KIF6: variants seen among roughly 807,000 people sequenced by gnomAD.
KIF6 encodes kinesin-like protein KIF6.
Under a neutral mutation model 112.7 loss-of-function variants are expected in KIF6, and 106 were observed. That is an observed-to-expected ratio of 0.94 (90% CI 0.80 to 1.11). The LOEUF (loss-of-function observed/expected upper bound fraction) is 1.11. Among genes scored for constraint, KIF6 ranks in the 50% least tolerant of loss-of-function variants. The pLI, the probability that KIF6 is intolerant of heterozygous loss-of-function variation, is 0.00. For missense variants in KIF6, 929 were observed against 964.0 expected, an observed-to-expected ratio of 0.96 and a Z score of 0.48; for synonymous variants, 339 against 339.9, an observed-to-expected ratio of 1.00 and a Z score of 0.03.
At chr6:39,359,797 C>T (rs1764991295) in intron 18 of KIF6, among the ~76,000 whole-genome samples, 1 of 152,104 alleles carries the variant, frequency 6.6e-6, no homozygotes, top group African/African-American at 2.4e-5. Context: ...CAGGGTCTTG[C>T]CATGTTAACC....
At chr6:39,382,843 T>A (rs565125110) in intron 16 of KIF6, among the ~76,000 whole-genome samples, 1 of 152,132 alleles carries the variant, frequency 6.6e-6, no homozygotes, top group East Asian at 1.9e-4. Context: ...ATTTTTTGAC[T>A]TTTTAGCAAT....
At chr6:39,412,431 T>C (rs996864942) in intron 15 of KIF6, among the ~76,000 whole-genome samples, 3 of 152,252 alleles carry the variant, frequency 2.0e-5, no homozygotes, top group African/African-American at 7.2e-5. Context: ...CCGTGATCTC[T>C]ATCATTTAAT....
At chr6:39,358,564 C>T (rs1011569650) in intron 18 of KIF6, among the ~76,000 whole-genome samples, 6 of 152,198 alleles carry the variant, frequency 3.9e-5, no homozygotes, top group African/African-American at 1.2e-4. Context: ...TCCTGAGTTT[C>T]GCTGGTATGA....
intron 4 of KIF6, among the ~76,000 whole-genome samples, chr6:39,636,984 AAAGT>A (rs1403464329): frequency 3.9e-5 from 6 of 152,044 alleles, no homozygotes; most frequent in Non-Finnish European, 8.8e-5. Flanking sequence ...AAATCTTACA[AAAGT>A]GTGTGGCCCA....
rs1762752189 is a variant in KIF6 at position 39,331,900 on chromosome 6, A to G, written c.*4632T>C. The G allele has an allele frequency of 6.6e-6, 1 of 150,522 alleles. No individual in the cohort carries two copies. The highest frequency in any genetic ancestry group is 1.5e-5 in the Non-Finnish European group (1 of 67,654). The allele number at this position is 150,522 out of a possible 1,614,324, so 9.3% of individuals were successfully genotyped here. On this transcript the variant is annotated 3_prime_UTR_variant, in exon 23 of 23. Transcript: ENST00000287152. ...TGCATTTTAAAAAATGTTTCTGTCT[A>G]TTTACTCTATCAACTGTGCCATGCC...
chr6:39,676,574 T>C (rs1787152508), intron 3 of KIF6, among the ~76,000 whole-genome samples: 1 of 152,084 alleles, frequency 6.6e-6, no homozygotes, highest in African/African-American at 2.4e-5. Flanking sequence ...AAAATAACAG[T>C]AATTACTAAT....
intron 3 of KIF6, among the ~76,000 whole-genome samples, chr6:39,688,609 G>A (rs77704571): frequency 0.024 from 3,653 of 152,242 alleles, 150 homozygotes; most frequent in African/African-American, 0.082. Flanking sequence ...GGAACGAGTA[G>A]TAGCCTTTCT....
At chr6:39,392,653 C>T (rs531676116) in intron 15 of KIF6, among the ~76,000 whole-genome samples, 4 of 152,054 alleles carry the variant, frequency 2.6e-5, no homozygotes, top group Non-Finnish European at 1.5e-5. Flanking sequence ...AGGAAATAAA[C>T]CCTAGATGGG....
At chr6:39,576,225 A>G (rs1780968357) in intron 10 of KIF6, among the ~76,000 whole-genome samples, 1 of 151,928 alleles carries the variant, frequency 6.6e-6, no homozygotes, top group Non-Finnish European at 1.5e-5. Flanking sequence ...CCCGGGTTCA[A>G]GCGATTCTCC....
chr6:39,538,932 T>C (rs1456760118), intron 13 of KIF6, among the ~76,000 whole-genome samples: 1 of 150,562 alleles, frequency 6.6e-6, no homozygotes, highest in Non-Finnish European at 1.5e-5. Context: ...ATGGATGAAA[T>C]TGGAAATCAT....
rs1762922959 is a variant in KIF6, at chr6:39,336,644, C to A, written c.2429-96G>T. 13 of 1,087,086 alleles carry A rather than the reference C, an allele frequency of 1.2e-5. No homozygotes were observed. In the South Asian group the frequency reaches 1.6e-4, roughly 14 times the overall value. 67.3% of individuals were successfully genotyped at this position (1,087,086 alleles called of 1,614,324 possible). On this transcript the variant is annotated intron_variant, in intron 22 of 22. Coordinates refer to ENST00000287152, the MANE Select transcript of KIF6 (RefSeq NM_145027.6). Reference sequence around the variant, plus strand: ...GGGGGAGGGGAGGCCACCAGCCACTCCCCCTGGGTCTTGGGCACTGCATCT... The same window carrying A: ...GGGGGAGGGGAGGCCACCAGCCACTACCCCTGGGTCTTGGGCACTGCATCT...
rs1562107566 is a variant in KIF6 at position 39,342,470 on chromosome 6, A to G, written c.2428+1239T>C. ...ACCAGCACTAGTAGTAGTGCCTGGCATAAGAAGGCACCCAACATATACAGT... is the reference window on the plus strand; with the variant it reads ...ACCAGCACTAGTAGTAGTGCCTGGCGTAAGAAGGCACCCAACATATACAGT... On this transcript the variant is annotated intron_variant, in intron 22 of 22. Transcript: ENST00000287152. This position sits in a 1 kb window ranked among gnomAD's most constrained non-coding sequence, Gnocchi z 4.7. 1.3e-5 allele frequency among the ~76,000 whole-genome samples: 2 copies of G among 152,186 alleles called. No homozygotes were observed. Among genetic ancestry groups the G allele is most frequent in the South Asian group, 2.1e-4 (1 of 4,826 alleles).
chr6:39,354,182 T>TA, intron 19 of KIF6: 1 of 310,612 alleles, frequency 3.2e-6, no homozygotes, highest in Non-Finnish European at 6.4e-6. Flanking sequence ...GCTGGCTAGC[T>TA]GAGTTGCCAC....
chr6:39,632,295 G>T (rs1357630396), intron 5 of KIF6, among the ~76,000 whole-genome samples: 1 of 152,138 alleles, frequency 6.6e-6, no homozygotes, highest in East Asian at 1.9e-4. Flanking sequence ...CTATTATTGT[G>T]CAGCACCAAC....
chr6:39,357,009 C>A (rs561500340), intron 19 of KIF6, among the ~76,000 whole-genome samples: 2 of 152,296 alleles, frequency 1.3e-5, no homozygotes, highest in African/African-American at 4.8e-5. Context: ...GGAGGCAGGA[C>A]CAGGGCTTGA....
At chr6:39,632,230 A>G (rs1467007786) in intron 5 of KIF6, among the ~76,000 whole-genome samples, 1 of 152,146 alleles carries the variant, frequency 6.6e-6, no homozygotes, top group African/African-American at 2.4e-5. Flanking sequence ...AGCGTCTCGC[A>G]GGTGATATTT....
intron 3 of KIF6, among the ~76,000 whole-genome samples, chr6:39,668,795 A>ATT (rs1309866210): frequency 6.6e-6 from 1 of 152,162 alleles, no homozygotes; most frequent in Non-Finnish European, 1.5e-5. Flanking sequence ...TTTAAGTAAT[A>ATT]TTTTATATTA....
intron 9 of KIF6, among the ~76,000 whole-genome samples, chr6:39,584,548 A>G (rs55924407): frequency 0.081 from 11,610 of 143,594 alleles, 512 homozygotes; most frequent in South Asian, 0.19. Flanking sequence ...GTTCTGTTGT[A>G]TGAGTCCTTA....
intron 7 of KIF6, among the ~76,000 whole-genome samples, chr6:39,588,621 T>C (rs1000332305): frequency 1.3e-5 from 2 of 152,166 alleles, no homozygotes; most frequent in African/African-American, 4.8e-5. Context: ...TACATCTCCA[T>C]CTGGATTTCT....
Sources: allele counts gnomAD v4.1 joint callset (sites outside exome capture counted in the v4.1 genomes callset), GRCh38; gene constraint gnomAD v4.1.1; non-coding constraint Gnocchi (gnomAD v3.1); transcripts MANE v1.5; gene names NCBI Gene and HGNC (gene_info 2026-07-23, HGNC 2026-07-21).